The following IP6K1 variants were observed in gnomAD, a reference collection of about 807,000 sequenced individuals.
IP6K1 encodes the protein ATP:1D-myo-inositol-hexakisphosphate phosphotransferase.
A neutral mutation model predicts 38.3 loss-of-function variants in IP6K1; 13 were observed. That is an observed-to-expected ratio of 0.34 (90% CI 0.22 to 0.54). The LOEUF (loss-of-function observed/expected upper bound fraction) is 0.54. IP6K1 is among the 20% of genes least tolerant of loss of function. The probability of loss-of-function intolerance (pLI) is 0.92; values close to 1 mark genes in which losing one functional copy is unlikely to be tolerated. For missense variants in IP6K1, 397 were observed against 599.8 expected (o/e 0.66, Z 3.53); for synonymous variants, 212 against 229.9 (o/e 0.92, Z 0.70).
Position 49,777,332 on chromosome 3 carries a change from T to A in IP6K1, c.-129+9022A>T, listed in dbSNP as rs536353610. Among the ~76,000 whole-genome samples, 4 of 152,156 alleles carry A rather than the reference T, an allele frequency of 2.6e-5. No homozygotes were observed. The East Asian group carries it at 5.8e-4, about 22-fold the overall frequency. ...ATCCCAACACCTTGGGAGGCCGAGG[T>A]GGATGGATTGCCTGAGGTCAAGAGA... On this transcript the variant is annotated intron_variant, in intron 1 of 5. Coordinates refer to ENST00000321599, the MANE Select transcript of IP6K1 (RefSeq NM_153273.4).
At chr3:49,749,833 T>C (rs967132192) in intron 1 of IP6K1, among the ~76,000 whole-genome samples, 84 of 147,282 alleles carry the variant, frequency 5.7e-4, no homozygotes, top group Non-Finnish European at 2.6e-4. Flanking sequence ...TACACTTCTT[T>C]TTTTTTTTTT....
chr3:49,732,247 T>A (rs1255174370), intron 4 of IP6K1, among the ~76,000 whole-genome samples: 1 of 152,186 alleles, frequency 6.6e-6, no homozygotes, highest in East Asian at 1.9e-4. Flanking sequence ...ACATTTTAAA[T>A]CTATTTTATG....
chr3:49,734,275 A>G (rs186152649), intron 3 of IP6K1, among the ~76,000 whole-genome samples: 4 of 152,282 alleles, frequency 2.6e-5, no homozygotes, highest in Non-Finnish European at 5.9e-5. Flanking sequence ...GAAGTAACCA[A>G]CAATACTGTC....
At position 49,747,875 on chromosome 3, in the gene IP6K1, G is replaced by C. The variant is rs1242121158; in HGVS notation, c.166C>G (p.Gln56Glu). Residue 56 changes from glutamine to glutamate, a missense_variant, in exon 2 of 6, where the codon CAG becomes GAG. By Grantham distance (29) the Gln-to-Glu change is conservative (BLOSUM62 2). This residue lies in a region of IP6K1 where 171 missense variants were observed against 237.0 expected (regional missense o/e 0.72). Coordinates refer to ENST00000321599, the MANE Select transcript of IP6K1 (RefSeq NM_153273.4). ...TVCKPLISRE[Q>E]RFYESLPPEM... ...GGAGGGAGGGACTCGTAAAAGCGCT[G>C]TTCCCGGGAGATGAGGGGCTTGCAC... 6.2e-7 allele frequency: 1 copy of C among 1,614,052 alleles called. No individual in the cohort carries two copies. The highest frequency in any genetic ancestry group is 8.5e-7 in the Non-Finnish European group (1 of 1,180,044).
chr3:49,744,696 G>C (rs2080706432), intron 2 of IP6K1, among the ~76,000 whole-genome samples: 1 of 152,006 alleles, frequency 6.6e-6, no homozygotes, highest in Non-Finnish European at 1.5e-5. Context: ...TTGTAAGAAT[G>C]GTATTTAGAA....
chr3:49,730,738 T>C (rs2080554988), intron 4 of IP6K1, among the ~76,000 whole-genome samples: 1 of 151,878 alleles, frequency 6.6e-6, no homozygotes, highest in South Asian at 2.1e-4. Context: ...TTTTTTGAGA[T>C]GGAGTTTCAC....
intron 3 of IP6K1, among the ~76,000 whole-genome samples, chr3:49,734,622 C>T (rs2080590790): frequency 6.6e-6 from 1 of 152,030 alleles, no homozygotes; most frequent in Non-Finnish European, 1.5e-5. Context: ...CCATTTCCAC[C>T]TAACTGAAAG....
chr3:49,761,291 G>A (rs2108249567), intron 1 of IP6K1, among the ~76,000 whole-genome samples: 1 of 149,776 alleles, frequency 6.7e-6, no homozygotes, highest in Non-Finnish European at 1.5e-5. Flanking sequence ...CTCCAGCCTG[G>A]CGACAGAGTG....
At chr3:49,782,299 T>C (rs2108266698) in intron 1 of IP6K1, among the ~76,000 whole-genome samples, 1 of 151,662 alleles carries the variant, frequency 6.6e-6, no homozygotes, top group Middle Eastern at 3.4e-3. Context: ...GCCTCCTGAG[T>C]AGCTGGGATT....
intron 1 of IP6K1, among the ~76,000 whole-genome samples, chr3:49,762,540 ACT>A (rs1339129325): frequency 1.3e-5 from 2 of 151,914 alleles, no homozygotes; most frequent in Non-Finnish European, 2.9e-5. Flanking sequence ...ACAGAGCGAG[ACT>A]CTGTCTCAAA....
chr3:49,736,405 A>C (rs1042787652), intron 3 of IP6K1, among the ~76,000 whole-genome samples: 2 of 152,202 alleles, frequency 1.3e-5, no homozygotes, highest in Non-Finnish European at 2.9e-5. Flanking sequence ...GAAAGCAACC[A>C]CTAACCTACC....
At chr3:49,784,596 G>C (rs1380004633) in intron 1 of IP6K1, among the ~76,000 whole-genome samples, 2 of 149,972 alleles carry the variant, frequency 1.3e-5, no homozygotes, top group Admixed American at 6.7e-5. Context: ...AGTCAGCTGA[G>C]ATTGTGCCAT....
chr3:49,742,416 GTA>G (rs1359484110), intron 2 of IP6K1, among the ~76,000 whole-genome samples: 5 of 152,142 alleles, frequency 3.3e-5, no homozygotes, highest in Non-Finnish European at 5.9e-5. Flanking sequence ...GGGCGTGGTG[GTA>G]CACGCCTGTA....
chr3:49,752,933 T>C (rs1402640180), intron 1 of IP6K1, among the ~76,000 whole-genome samples: 3 of 151,792 alleles, frequency 2.0e-5, no homozygotes, highest in African/African-American at 4.8e-5. Flanking sequence ...TTTATTTTTG[T>C]ATTTTTACTA....
chr3:49,744,420 A>G (rs2080703075), intron 2 of IP6K1, among the ~76,000 whole-genome samples: 2 of 151,492 alleles, frequency 1.3e-5, no homozygotes, highest in Non-Finnish European at 2.9e-5. Context: ...AAAAAAAAAA[A>G]AAAAAAAAGA....
chr3:49,766,045 G>A (rs555169989), intron 1 of IP6K1, among the ~76,000 whole-genome samples: 11 of 151,900 alleles, frequency 7.2e-5, no homozygotes, highest in Admixed American at 6.6e-5. Flanking sequence ...GTGTGGTGGC[G>A]GGCGCCTGTA....
chr3:49,760,655 A>G (rs947776521), intron 1 of IP6K1, among the ~76,000 whole-genome samples: 10 of 151,900 alleles, frequency 6.6e-5, no homozygotes, highest in Non-Finnish European at 7.4e-5. Context: ...AGTGAAAAGC[A>G]AAAAGCGGAG....
In IP6K1 at chr3:49,738,377, T is replaced by G; in HGVS notation, c.269A>C (p.Asn90Thr). ...CFEGDSDGYI[N>T]LVAYPYVESE... is the part of the protein sequence containing the mutation. Reference sequence around the variant, plus strand: ...TTCCACATAAGGATAGGCCACTAAGTTGATGTAACCATCACTGTCCCCCTC... The same window carrying G: ...TTCCACATAAGGATAGGCCACTAAGGTGATGTAACCATCACTGTCCCCCTC... Residue 90 changes from asparagine to threonine, a missense_variant, in exon 3 of 6, where the codon AAC becomes ACC. Coordinates refer to ENST00000321599, the MANE Select transcript of IP6K1 (RefSeq NM_153273.4). The G allele has an allele frequency of 1.9e-6, 3 of 1,614,204 alleles. No homozygotes were observed. The highest frequency in any genetic ancestry group is 2.5e-6 in the Non-Finnish European group (3 of 1,180,030).
At chr3:49,763,250 C>A (rs1236717404) in intron 1 of IP6K1, among the ~76,000 whole-genome samples, 1 of 150,044 alleles carries the variant, frequency 6.7e-6, no homozygotes, top group African/African-American at 2.5e-5. Context: ...ACTACAGGCG[C>A]CCGCCACACA....
Sources: gnomAD v4.1 joint callset for allele counts (sites outside exome capture counted in the v4.1 genomes callset) on GRCh38, gnomAD v4.1.1 for gene constraint, gnomAD v4.1.1 regional missense constraint, MANE v1.5 for transcripts, NCBI Gene and HGNC (gene_info 2026-07-23, HGNC 2026-07-21) for gene names.